The following ITIH4 variants were observed in gnomAD, a reference collection of about 807,000 sequenced individuals.
ITIH4 encodes the protein inter-alpha-trypsin inhibitor heavy chain H4.
In ITIH4, 79 loss-of-function variants were observed where a neutral mutation model predicts 111.8. The ratio of observed to expected loss-of-function variants is 0.71; its 90% CI spans 0.59 to 0.85. The LOEUF (loss-of-function observed/expected upper bound fraction) is 0.85, where lower values mean the gene tolerates loss of function less well. ITIH4 is among the 40% of genes least tolerant of loss of function. The pLI is 0.00. For missense variants in ITIH4, 1,065 were observed against 1,195.8 expected, an observed-to-expected ratio of 0.89 and a Z score of 1.61; for synonymous variants, 472 against 468.3, an observed-to-expected ratio of 1.01 and a Z score of -0.10.
In ITIH4 at chr3:52,824,204, C is replaced by T; in HGVS notation, c.1157G>A (p.Gly386Asp). ...SVSLIILLTDGDPTVGETNPR... is the reference protein window; with the variant it reads ...SVSLIILLTDDDPTVGETNPR... The stretch of plus-strand genomic sequence containing the variant: ...AGGGCCCTCACCCACAGTGGGGTCG[C>T]CATCGGTGAGCAGGATGATGAGTGA... The change falls in exon 9 of 24, where the codon GGC becomes GAC. Residue 386 changes from glycine to aspartate, a missense_variant. Gly to Asp is a moderately conservative substitution (Grantham distance 94). Coordinates refer to ENST00000266041, the MANE Select transcript of ITIH4 (RefSeq NM_002218.5). This position sits in a 1 kb window ranked among gnomAD's most constrained non-coding sequence, Gnocchi z 4.3. 6.2e-7 allele frequency: 1 copy of T among 1,613,406 alleles called. No homozygotes were observed. The highest frequency in any genetic ancestry group is 8.5e-7 in the Non-Finnish European group (1 of 1,180,008).
At chr3:52,813,896 C>T in intron 23 of ITIH4, 79 bp downstream of exon 23, 2 of 1,107,212 alleles carry the variant, frequency 1.8e-6, no homozygotes, top group Non-Finnish European at 2.7e-6. Context: ...AGGAGTGGGG[C>T]CCTGGAGAGC....
At chr3:52,820,026 C>T (rs1443861408) in intron 14 of ITIH4, 36 bp from the exon 15 acceptor site, 2 of 1,604,834 alleles carry the variant, frequency 1.2e-6, no homozygotes, top group African/African-American at 1.3e-5. Flanking sequence ...GCATCTTGCA[C>T]CCACCTTCCT....
In ITIH4 at chr3:52,826,030, G is replaced by C; in HGVS notation, c.631-16C>G. On this transcript the variant is annotated splice_polypyrimidine_tract_variant and intron_variant, in intron 5 of 23. Coordinates refer to ENST00000266041, the MANE Select transcript of ITIH4 (RefSeq NM_002218.5). ...GGATGTGAGCCTGGAGGAATAATCC[G>C]GGCTGAAGTTGGGAGGAACAGCAAA... 1 of 1,613,690 alleles carries C rather than the reference G, an allele frequency of 6.2e-7. No homozygotes were observed. The highest frequency in any genetic ancestry group is 8.5e-7 in the Non-Finnish European group (1 of 1,179,784).
intron 20 of ITIH4, 47 bp from the exon 21 acceptor site, chr3:52,817,105 C>G: frequency 6.4e-7 from 1 of 1,556,712 alleles, no homozygotes; most frequent in Non-Finnish European, 8.8e-7. Flanking sequence ...CCAGCCAGGT[C>G]TGACACCGAC....
At chr3:52,829,064 T>C (rs1164496985) in intron 2 of ITIH4, 55 bp downstream of exon 2, 1 of 1,438,886 alleles carries the variant, frequency 6.9e-7, no homozygotes, top group Non-Finnish European at 9.4e-7. Context: ...CACAGAGCGA[T>C]GGAGTCATAG....
In ITIH4 at chr3:52,818,112, G is replaced by A; in HGVS notation, c.2236C>T (p.Leu746Phe). 6.2e-7 allele frequency: 1 copy of A among 1,613,890 alleles called. No individual in the cohort carries two copies. Among genetic ancestry groups the A allele is most frequent in the Non-Finnish European group, 8.5e-7 (1 of 1,179,996 alleles). Residue 746 changes from leucine to phenylalanine, a missense_variant, in exon 20 of 24, where the codon CTC (leucine) becomes TTC (phenylalanine). Transcript: ENST00000266041. ...TGGCGGTGTCTGGGGTCCACACAGA[G>A]CCGCTCCACACTCTGCCCAGGCAGT... ...LPLPGQSVER[L>F]CVDPRHRQGP...
At position 52,823,877 on chromosome 3, in the gene ITIH4, A is replaced by G; in HGVS notation, c.1299T>C (p.Asn433=). The change falls in exon 10 of 24, where the codon AAT becomes AAC. Residue 433 remains asparagine (N), a synonymous_variant. Transcript: ENST00000266041. ...YAFLEKLALD[N]GGLARRIHED... ...CATGGATGCGCCGGGCCAGGCCGCC[A>G]TTGTCCAGTGCCAGCTTCTCCAGGA... 6.2e-7 allele frequency: 1 copy of G among 1,613,782 alleles called. No homozygotes were observed. The highest frequency in any genetic ancestry group is 8.5e-7 in the Non-Finnish European group (1 of 1,179,972).
Position 52,818,255 on chromosome 3 carries a change from A to C in ITIH4, c.2179+2T>G. ...AAGGGGCCAAGGGGGCTGGGAACTT[A>C]CCTGGGGTTTGGGTTGTCATGGTTG... is the stretch of plus-strand genomic sequence containing the variant. On this transcript the variant is annotated splice_donor_variant, in intron 19 of 23. Transcript: ENST00000266041. LOFTEE classifies it high-confidence loss of function. 1 of 1,583,404 alleles carries C rather than the reference A, an allele frequency of 6.3e-7. No individual in the cohort carries two copies. Among genetic ancestry groups the C allele is most frequent in the Non-Finnish European group, 8.6e-7 (1 of 1,165,554 alleles).
Position 52,819,247 on chromosome 3 carries a change from G to A in ITIH4, c.2077+146C>T. 4 of 865,974 alleles carry A rather than the reference G, an allele frequency of 4.6e-6. No homozygotes were observed. In the East Asian group the frequency reaches 8.1e-5, roughly 17 times the overall value. The allele number at this position is 865,974 out of a possible 1,614,324, so 53.6% of individuals were successfully genotyped here. On this transcript the variant is annotated intron_variant, in intron 17 of 23. Coordinates refer to ENST00000266041, the MANE Select transcript of ITIH4 (RefSeq NM_002218.5). ...CCAGTAAATGATCCCAGGTTGAACT[G>A]ACCCACAATTACTTCACATCGTGCC...
chr3:52,820,372 C>T, intron 13 of ITIH4, 55 bp from the exon 14 acceptor site: 1 of 1,578,304 alleles, frequency 6.3e-7, no homozygotes, highest in Non-Finnish European at 8.7e-7. Flanking sequence ...CAGACAGACA[C>T]CGTCAGGGTG....
At position 52,823,885 on chromosome 3, in the gene ITIH4, G is replaced by A. The variant is rs1313873572; in HGVS notation, c.1291C>T (p.Leu431=). 1.9e-6 allele frequency: 3 copies of A among 1,613,744 alleles called. No individual in the cohort carries two copies. Among genetic ancestry groups the A allele is most frequent in the Non-Finnish European group, 2.5e-6 (3 of 1,179,980 alleles). ...VSYAFLEKLA[L]DNGGLARRIH... The stretch of plus-strand genomic sequence containing the variant: ...CGCCGGGCCAGGCCGCCATTGTCCA[G>A]TGCCAGCTTCTCCAGGAAGGCATAG... The change falls in exon 10 of 24, where the codon CTG becomes TTG. Residue 431 remains leucine (L), a synonymous_variant. Transcript: ENST00000266041.
chr3:52,813,316 T>A lies in ITIH4; in HGVS notation c.*105A>T. On this transcript the variant is annotated 3_prime_UTR_variant, in exon 24 of 24. Coordinates refer to ENST00000266041, the MANE Select transcript of ITIH4 (RefSeq NM_002218.5). The stretch of plus-strand genomic sequence containing the variant: ...TCACACCACCTTTCTTTATTTGTAA[T>A]GAGTGGGACTCTTCCTCCCCATGGT... 1 of 987,698 alleles carries A rather than the reference T, an allele frequency of 1.0e-6. No homozygotes were observed. Among genetic ancestry groups the A allele is most frequent in the Non-Finnish European group, 1.6e-6 (1 of 621,414 alleles). The allele number at this position is 987,698 out of a possible 1,614,324, so 61.2% of individuals were successfully genotyped here.
At position 52,821,080 on chromosome 3, in the gene ITIH4, C is replaced by T. The variant is rs1348208735; in HGVS notation, c.1590G>A (p.Glu530=). ...FQTESSVAEQ[E]AEFQSPKYIF... ...TATACTTGGGGCTCTGGAACTCCGC[C>T]TCCTGCTCTGCCACACTGGACTCCG... is the stretch of plus-strand genomic sequence containing the variant. Residue 530 remains glutamate, a synonymous_variant, in exon 12 of 24, where the codon GAG becomes GAA. Coordinates refer to ENST00000266041, the MANE Select transcript of ITIH4 (RefSeq NM_002218.5). 2.5e-6 allele frequency: 4 copies of T among 1,614,006 alleles called. No homozygotes were observed. In the East Asian group the frequency reaches 6.7e-5, roughly 27 times the overall value.
Position 52,826,881 on chromosome 3 carries a change from C to A in ITIH4, c.429G>T (p.Glu143Asp). 1 of 1,614,118 alleles carries A rather than the reference C, an allele frequency of 6.2e-7. No homozygotes were observed. Among genetic ancestry groups the A allele is most frequent in the Non-Finnish European group, 8.5e-7 (1 of 1,180,040 alleles). The change falls in exon 4 of 24, where the codon GAG becomes GAT. Residue 143 changes from glutamate (E) to aspartate (D), a missense_variant. By Grantham distance (45) the Glu-to-Asp change is conservative. Transcript: ENST00000266041. The stretch of plus-strand genomic sequence containing the variant: ...GCTTGAGCAGCTCCTCATAGACCAG[C>A]TCAAAGGTGATCTTGGCATTGGGAG... ...SVAPNAKITF[E>D]LVYEELLKRR... is the part of the protein sequence containing the mutation.
intron 11 of ITIH4, 81 bp from the exon 12 acceptor site, chr3:52,821,211 GATTGGGGCTGGGGCAGGTCCCACAC>G: frequency 6.5e-7 from 1 of 1,527,540 alleles, no homozygotes; most frequent in South Asian, 1.2e-5. Flanking sequence ...GCTCTTCCAT[GATTGGGGCTGGGGCAGGTCCCACAC>G]ACTGACTGTG....
rs1437501192 is a variant in ITIH4 at position 52,823,701 on chromosome 3, A to G, written c.1394T>C (p.Val465Ala). The part of the protein sequence containing the change: ...QEVANPLLTA[V>A]TFEYPSNAVE... ...GGCATTGCTTGGGTACTCGAAGGTC[A>G]CTGCTGTCAGCAGTGGGTTGGCCAC... Residue 465 changes from valine (V) to alanine (A), a missense_variant, in exon 11 of 24, where the codon GTG becomes GCG. By Grantham distance (64) the Val-to-Ala change is moderately conservative (BLOSUM62 0). Transcript: ENST00000266041. 6.2e-7 allele frequency: 1 copy of G among 1,614,162 alleles called. No individual in the cohort carries two copies. The highest frequency in any genetic ancestry group is 1.3e-5 in the African/African-American group (1 of 75,050).
intron 21 of ITIH4, among the ~76,000 whole-genome samples, chr3:52,816,564 A>G (rs991400488): frequency 6.6e-6 from 1 of 152,138 alleles, no homozygotes; most frequent in East Asian, 1.9e-4. Context: ...CAGGATGATT[A>G]GTACTGGTTA....
Position 52,814,078 on chromosome 3 carries a change from T to C in ITIH4, c.2627-7A>G, listed in dbSNP as rs377666629. 3.7e-6 allele frequency: 6 copies of C among 1,612,510 alleles called. No individual in the cohort carries two copies. The highest frequency in any genetic ancestry group is 1.7e-5 in the Admixed American group (1 of 59,962). The stretch of plus-strand genomic sequence containing the variant: ...ACCTCCTGGTAAAACTGGCCTGAGA[T>C]ACAAAGGGTGGATCAGTAAGGGTCA... On this transcript the variant is annotated splice_polypyrimidine_tract_variant and splice_region_variant and intron_variant, in intron 22 of 23. Transcript: ENST00000266041.
In ITIH4 at chr3:52,821,091, C is replaced by T. The variant is rs765042899; in HGVS notation, c.1579G>A (p.Ala527Thr). The change falls in exon 12 of 24, where the codon GCA becomes ACA. Residue 527 changes from alanine to threonine, a missense_variant. Coordinates refer to ENST00000266041, the MANE Select transcript of ITIH4 (RefSeq NM_002218.5). Reference protein sequence around the residue: ...NITFQTESSVAEQEAEFQSPK... With the variant: ...NITFQTESSVTEQEAEFQSPK... ...CTCTGGAACTCCGCCTCCTGCTCTG[C>T]CACACTGGACTCCGTTTGGAAAGTG... 2 of 1,613,752 alleles carry T rather than the reference C, an allele frequency of 1.2e-6. No homozygotes were observed. The highest frequency in any genetic ancestry group is 1.7e-6 in the Non-Finnish European group (2 of 1,180,038).
Sources: gnomAD v4.1 joint callset for allele counts (sites outside exome capture counted in the v4.1 genomes callset) on GRCh38, gnomAD v4.1.1 for gene constraint, Gnocchi (gnomAD v3.1) non-coding constraint, MANE v1.5 for transcripts, NCBI Gene and HGNC (gene_info 2026-07-23, HGNC 2026-07-21) for gene names.